CLEC2A: variants seen among roughly 807,000 people sequenced by gnomAD.
CLEC2A encodes the protein C-type lectin domain family 2 member A.
CLEC2A carries 19 observed loss-of-function variants against 18.6 expected under a neutral mutation model. That is an observed-to-expected ratio of 1.02 (90% confidence interval 0.71 to 1.50). CLEC2A has a LOEUF of 1.50. CLEC2A is among the 40% of genes most tolerant of loss of function. The pLI, the probability that CLEC2A is intolerant of heterozygous loss-of-function variation, is 0.00. For synonymous variants in CLEC2A, 74 were observed against 64.0 expected (o/e 1.16, Z -0.75); for missense variants, 190 against 207.9 (o/e 0.91, Z 0.53).
At chr12:9,887,908 T>G in the CLEC2A span, among the ~76,000 whole-genome samples, 1 of 150,908 alleles carries the variant, frequency 6.6e-6, no homozygotes, top group East Asian at 1.9e-4. Context: ...ACACAAAAAT[T>G]AGCTGGGTGT....
At chr12:9,918,162 T>C (rs1863103607) in intron 3 of CLEC2A, among the ~76,000 whole-genome samples, 1 of 152,160 alleles carries the variant, frequency 6.6e-6, no homozygotes, top group African/African-American at 2.4e-5. Context: ...GTCTTTGTCA[T>C]GAAATTTGCC....
intron 4 of CLEC2A, among the ~76,000 whole-genome samples, chr12:9,904,745 T>C (rs1862883093): frequency 6.6e-6 from 1 of 152,188 alleles, no homozygotes; most frequent in Admixed American, 6.5e-5. Context: ...TTGGAGATTA[T>C]CTATAATTAG....
At chr12:9,893,642 C>T in the CLEC2A span, 1 of 456,252 alleles carries the variant, frequency 2.2e-6, no homozygotes, top group Non-Finnish European at 3.7e-6. Flanking sequence ...TCTCTGTTTT[C>T]CCTTATCTTT....
At chr12:9,932,236 T>C (rs1178595085) in intron 1 of CLEC2A, 39 bp downstream of exon 1, 8 of 1,418,214 alleles carry the variant, frequency 5.6e-6, no homozygotes, top group Non-Finnish European at 7.8e-6. Context: ...TTGTTTTATC[T>C]TTCCTTTACT....
downstream of CLEC2A, among the ~76,000 whole-genome samples, chr12:9,894,300 G>T (rs1862728789): frequency 6.6e-6 from 1 of 151,600 alleles, no homozygotes; most frequent in African/African-American, 2.4e-5. Flanking sequence ...TCCCACTTCA[G>T]CCTCAGAGTA....
chr12:9,923,244 C>G (rs1025812425), intron 2 of CLEC2A, among the ~76,000 whole-genome samples: 1 of 152,110 alleles, frequency 6.6e-6, no homozygotes, highest in Non-Finnish European at 1.5e-5. Flanking sequence ...AAGAAAAAAA[C>G]AATCCCATCA....
At position 9,900,148 on chromosome 12, in the gene CLEC2A, A is replaced by T. The variant is rs12816031; in HGVS notation, c.411-1172T>A. On this transcript the variant is annotated intron_variant, in intron 4 of 4. Transcript: ENST00000339766. ...TTTGTCTTACTTTCCCACAAAAGAA[A>T]CCTTCCGTTGATGGGCACCCTATTT... Among the ~76,000 whole-genome samples, 357 of 152,196 alleles carry T rather than the reference A, an allele frequency of 2.3e-3. 6 individuals are homozygous for T. Among genetic ancestry groups the T allele is most frequent in the African/African-American group, 8.4e-3 (350 of 41,508 alleles).
intron 1 of CLEC2A, among the ~76,000 whole-genome samples, chr12:9,927,611 C>T (rs1314768958): frequency 6.6e-6 from 1 of 152,068 alleles, no homozygotes; most frequent in Non-Finnish European, 1.5e-5. Context: ...TTCTCTCTTT[C>T]TTCAGAACTT....
At chr12:9,888,583 G>C in the CLEC2A span, 2 of 476,322 alleles carry the variant, frequency 4.2e-6, no homozygotes, top group Admixed American at 6.7e-5. Flanking sequence ...AGTTAAATCT[G>C]GGGAAGAAGA....
chr12:9,917,344 A>G (rs1257463269), intron 3 of CLEC2A, among the ~76,000 whole-genome samples: 1 of 152,192 alleles, frequency 6.6e-6, no homozygotes, highest in Non-Finnish European at 1.5e-5. Context: ...ACCAATAGTT[A>G]TATCTGTCAT....
At chr12:9,891,262 G>A in the CLEC2A span, among the ~76,000 whole-genome samples, 3 of 152,160 alleles carry the variant, frequency 2.0e-5, no homozygotes, top group African/African-American at 4.8e-5. Flanking sequence ...GCATCTAATA[G>A]AGCAGTTGAT....
intron 4 of CLEC2A, among the ~76,000 whole-genome samples, chr12:9,906,428 A>G (rs1307306650): frequency 6.6e-6 from 1 of 152,194 alleles, no homozygotes; most frequent in African/African-American, 2.4e-5. Flanking sequence ...AACATGGACA[A>G]TAGCTATCTC....
At chr12:9,893,419 T>C in the CLEC2A span, 1 of 1,233,750 alleles carries the variant, frequency 8.1e-7, no homozygotes, top group Non-Finnish European at 1.1e-6. Context: ...ATGCACTATT[T>C]CTTCTGCAGG....
chr12:9,918,150 T>C (rs1863103310), intron 3 of CLEC2A, among the ~76,000 whole-genome samples: 1 of 151,996 alleles, frequency 6.6e-6, no homozygotes, highest in Non-Finnish European at 1.5e-5. Context: ...ATTGCTTTTG[T>C]TGTCTTTGTC....
chr12:9,894,235 G>T (rs1375976971), downstream of CLEC2A, among the ~76,000 whole-genome samples: 2 of 149,868 alleles, frequency 1.3e-5, no homozygotes, highest in African/African-American at 4.9e-5. Flanking sequence ...AGGCTGGAGT[G>T]CAGTGGCATG....
the CLEC2A span, among the ~76,000 whole-genome samples, chr12:9,879,312 T>G: frequency 1.3e-5 from 2 of 152,160 alleles, no homozygotes; most frequent in Non-Finnish European, 2.9e-5. Flanking sequence ...TTCCATATAG[T>G]TAGTAGGCAA....
intron 4 of CLEC2A, among the ~76,000 whole-genome samples, chr12:9,900,280 C>G (rs113437281): frequency 1.5e-3 from 225 of 152,332 alleles, no homozygotes; most frequent in African/African-American, 5.3e-3. Context: ...TGAAGCCAGA[C>G]ATTGCTGGTT....
At chr12:9,887,891 A>C in the CLEC2A span, among the ~76,000 whole-genome samples, 6 of 151,630 alleles carry the variant, frequency 4.0e-5, no homozygotes, top group African/African-American at 1.2e-4. Flanking sequence ...GTCCCTAATA[A>C]AAAAATACAC....
the CLEC2A span, among the ~76,000 whole-genome samples, chr12:9,878,488 G>C: frequency 6.6e-6 from 1 of 152,108 alleles, no homozygotes; most frequent in Non-Finnish European, 1.5e-5. Context: ...AAATACGCAG[G>C]GGGTTAAACT....
Sources: allele counts gnomAD v4.1 joint callset (sites outside exome capture counted in the v4.1 genomes callset), GRCh38; gene constraint gnomAD v4.1.1; transcripts MANE v1.5; gene names NCBI Gene and HGNC (gene_info 2026-07-23, HGNC 2026-07-21).